ADAM8: variants seen among roughly 807,000 people sequenced by gnomAD.
The protein encoded by ADAM8 is ADAM metallopeptidase domain 8, also known as disintegrin and metalloproteinase domain-containing protein 8.
A neutral mutation model predicts 102.4 loss-of-function variants in ADAM8; 104 were observed. The ratio of observed to expected loss-of-function variants is 1.02; its 90% CI spans 0.87 to 1.20. The LOEUF (loss-of-function observed/expected upper bound fraction) is 1.20. ADAM8 is among the 50% of genes most tolerant of loss of function. The pLI is 0.00. For missense variants in ADAM8, 1,132 were observed against 1,159.0 expected (o/e 0.98, Z 0.34); for synonymous variants, 517 against 485.2 (o/e 1.07, Z -0.86).
chr10:133,270,371 C>T lies in ADAM8; in HGVS notation c.1774G>A (p.Gly592Arg). The T allele has an allele frequency of 6.3e-7, 1 of 1,587,390 alleles. No individual in the cohort carries two copies. The change falls in exon 16 of 23, where the codon GGA (glycine) becomes AGA (arginine). Residue 592 changes from glycine to arginine, a missense_variant. Transcript: ENST00000445355. ...YEPVPEGTRC[G>R]PEKVCWKGRC... ...AGCCAGGGGCTCACCTTCTCTGGTC[C>T]ACACCGGGTGCCCTCGGGCACTGGT...
chr10:133,268,301 A>G (rs928861614), intron 19 of ADAM8, among the ~76,000 whole-genome samples, 183 bp from the exon 20 acceptor site: 12 of 152,180 alleles, frequency 7.9e-5, no homozygotes, highest in African/African-American at 2.7e-4. Context: ...CACCCCCTCC[A>G]TGTCCTGGGG....
chr10:133,268,686 C>T, intron 19 of ADAM8, 62 bp downstream of exon 19: 2 of 1,532,660 alleles, frequency 1.3e-6, no homozygotes, highest in East Asian at 2.4e-5. Flanking sequence ...GGCACTCCTT[C>T]CTCTGGCAGC....
At chr10:133,267,054 G>A (rs1036122364) in intron 21 of ADAM8, among the ~76,000 whole-genome samples, 1 of 152,062 alleles carries the variant, frequency 6.6e-6, no homozygotes, top group African/African-American at 2.4e-5. Context: ...CCTCTTCTCT[G>A]CCAGAGCTTC....
At position 133,272,217 on chromosome 10, in the gene ADAM8, G is replaced by A. The variant is rs1846554350; in HGVS notation, c.933C>T (p.Ser311=). ...VGFARVSAMC[S]HSSGAVNQDH... ...CCTGGTTCACAGCCCCTGAGCTGTGGGAGCACATGGCGGACACCCTGGCAA... is the reference window on the plus strand; with the variant it reads ...CCTGGTTCACAGCCCCTGAGCTGTGAGAGCACATGGCGGACACCCTGGCAA... Residue 311 remains serine, a synonymous_variant, in exon 10 of 23, where the codon TCC becomes TCT. Transcript: ENST00000445355. 1.3e-6 allele frequency: 2 copies of A among 1,549,218 alleles called. No homozygotes were observed. Among genetic ancestry groups the A allele is most frequent in the South Asian group, 1.2e-5 (1 of 84,012 alleles).
chr10:133,272,653 C>A, intron 8 of ADAM8, 68 bp from the exon 9 acceptor site: 1 of 1,550,628 alleles, frequency 6.4e-7, no homozygotes, highest in South Asian at 1.2e-5. Flanking sequence ...GGGTGGGTGG[C>A]GGAGGATGCA....
intron 20 of ADAM8, 68 bp downstream of exon 20, chr10:133,267,861 C>A: frequency 8.1e-7 from 1 of 1,238,944 alleles, no homozygotes; most frequent in South Asian, 3.2e-5. Context: ...TCGGGCTGCA[C>A]TTGGGGTCGC....
chr10:133,276,446 T>A (rs778502971), intron 1 of ADAM8, among the ~76,000 whole-genome samples: 10 of 152,128 alleles, frequency 6.6e-5, no homozygotes, highest in Admixed American at 1.3e-4. Context: ...GCCCCACAGG[T>A]GAATCCCAGG....
At position 133,272,959 on chromosome 10, in the gene ADAM8, CT is replaced by C; in HGVS notation, c.633del (p.Glu212SerfsTer19). On this transcript the variant is annotated frameshift_variant, in exon 7 of 23. Transcript: ENST00000445355. LOFTEE classifies it high-confidence loss of function. ...YVELYVVVDNAEFQMLGSEAA... is the reference protein window; with the variant it reads ...YVELYVVVDNXEFQMLGSEAA... The stretch of plus-strand genomic sequence containing the variant: ...CACCTTCCCTGCCCCCAACACACCT[CT>C]GCATTGTCCACGACCACATACAGCT... 5.6e-6 allele frequency: 9 copies of C among 1,612,960 alleles called. No homozygotes were observed. The highest frequency in any genetic ancestry group is 7.6e-6 in the Non-Finnish European group (9 of 1,179,910).
chr10:133,275,400 C>T, intron 2 of ADAM8, 84 bp downstream of exon 2: 1 of 1,094,524 alleles, frequency 9.1e-7, no homozygotes, highest in Non-Finnish European at 1.3e-6. Flanking sequence ...TGGCCTCTCA[C>T]CACTTTCTGT....
At chr10:133,275,025 CAT>C (rs936629944) in intron 2 of ADAM8, 5 of 309,594 alleles carry the variant, frequency 1.6e-5, no homozygotes, top group African/African-American at 4.5e-5. Flanking sequence ...ATGCCGTGCA[CAT>C]GTGTGCACAC....
intron 1 of ADAM8, among the ~76,000 whole-genome samples, chr10:133,276,149 AT>A (rs1169789516): frequency 6.6e-6 from 1 of 152,166 alleles, no homozygotes; most frequent in East Asian, 1.9e-4. Flanking sequence ...TTAAAACACA[AT>A]AGTGGACGTG....
Position 133,275,686 on chromosome 10 carries a change from C to A in ADAM8, c.47-99G>T, listed in dbSNP as rs901671606. 1.2e-4 allele frequency: 76 copies of A among 649,370 alleles called. No individual in the cohort carries two copies. The South Asian group carries it at 1.7e-3, about 14-fold the overall frequency. The allele number at this position is 649,370 out of a possible 1,614,324, so 40.2% of individuals were successfully genotyped here. On this transcript the variant is annotated intron_variant, in intron 1 of 22. Coordinates refer to ENST00000445355, the MANE Select transcript of ADAM8 (RefSeq NM_001109.5). Reference sequence around the variant, plus strand: ...AGATTCTGTCTCTTGCTGGGCTTGACCCTCCCCTGGGGAACTCACCAGATA... The same window carrying A: ...AGATTCTGTCTCTTGCTGGGCTTGAACCTCCCCTGGGGAACTCACCAGATA...
chr10:133,269,396 C>T, intron 18 of ADAM8, 49 bp downstream of exon 18: 2 of 1,454,794 alleles, frequency 1.4e-6, no homozygotes, highest in Non-Finnish European at 1.8e-6. Context: ...CTGTTCGGGC[C>T]CTCTGAGCTT....
chr10:133,268,976 C>A (rs1039632256), intron 18 of ADAM8, 114 bp from the exon 19 acceptor site: 7 of 1,491,132 alleles, frequency 4.7e-6, no homozygotes, highest in Non-Finnish European at 6.2e-6. Context: ...CCCTGTGGAC[C>A]CCTCAGGGAG....
At position 133,274,990 on chromosome 10, in the gene ADAM8, C is replaced by T. The variant is rs1228789143; in HGVS notation, c.150+494G>A. The stretch of plus-strand genomic sequence containing the variant: ...CAGGGCTGGGGCCGGAACTGCCCTC[C>T]CTGGAAACAGGTGCACACATGCATA... On this transcript the variant is annotated intron_variant, in intron 2 of 22. Coordinates refer to ENST00000445355, the MANE Select transcript of ADAM8 (RefSeq NM_001109.5). 3 of 345,696 alleles carry T rather than the reference C, an allele frequency of 8.7e-6. No homozygotes were observed. The Admixed American group carries it at 1.1e-4, about 12-fold the overall frequency. The allele number at this position is 345,696 out of a possible 1,614,324, so 21.4% of individuals were successfully genotyped here. A position where few individuals can be genotyped will look rare whatever the true frequency, so the allele number is the denominator to read the frequency against.
intron 19 of ADAM8, 33 bp downstream of exon 19, chr10:133,268,715 G>T (rs372217990): frequency 3.8e-6 from 6 of 1,589,136 alleles, no homozygotes; most frequent in Non-Finnish European, 4.3e-6. Flanking sequence ...GGAAGCACTC[G>T]CCACCCTCCG....
In ADAM8 at chr10:133,263,687, C is replaced by T. The variant is rs1846234661; in HGVS notation, c.2397+1G>A. On this transcript the variant is annotated splice_donor_variant, in intron 22 of 22. Coordinates refer to ENST00000445355, the MANE Select transcript of ADAM8 (RefSeq NM_001109.5). LOFTEE classifies it high-confidence loss of function. ...CTGCCTGGTGTGTGCTGGGGCCTCA[C>T]CTCAGCTGGACCAGGGTTGGCCGCA... The T allele has an allele frequency of 1.5e-6, 2 of 1,360,610 alleles. No individual in the cohort carries two copies. The highest frequency in any genetic ancestry group is 3.2e-5 in the East Asian group (1 of 31,026). The allele number at this position is 1,360,610 out of a possible 1,614,324, so 84.3% of individuals were successfully genotyped here.
At position 133,271,252 on chromosome 10, in the gene ADAM8, T is replaced by G. The variant is rs746222640; in HGVS notation, c.1322A>C (p.Gln441Pro). Residue 441 changes from glutamine (Q) to proline (P), a missense_variant, in exon 13 of 23, where the codon CAG becomes CCG. Gln to Pro is a moderately conservative substitution (Grantham distance 76). Transcript: ENST00000445355. ...CGCACACTGGGCCCCCTCAGCCAGC[T>G]GGCAGGTGGTAGAGTTGCAGCAGCG... ...RNRCCNSTTC[Q>P]LAEGAQCAHG... 6.2e-7 allele frequency: 1 copy of G among 1,611,388 alleles called. No individual in the cohort carries two copies. Among genetic ancestry groups the G allele is most frequent in the African/African-American group, 1.3e-5 (1 of 74,904 alleles).
At position 133,272,981 on chromosome 10, in the gene ADAM8, C is replaced by G; in HGVS notation, c.612G>C (p.Leu204=). ...LPSRETRYVE[L]YVVVDNAEFQ... ...CCTCTGCATTGTCCACGACCACATA[C>G]AGCTCCACGTAGCGGGTCTCTCGGG... Residue 204 remains leucine (L), a synonymous_variant, in exon 7 of 23, where the codon CTG becomes CTC. Transcript: ENST00000445355. 6.2e-7 allele frequency: 1 copy of G among 1,612,940 alleles called. No individual in the cohort carries two copies.
Sources: gnomAD v4.1 joint callset for allele counts (sites outside exome capture counted in the v4.1 genomes callset) on GRCh38, gnomAD v4.1.1 for gene constraint, MANE v1.5 for transcripts, NCBI Gene and HGNC (gene_info 2026-07-23, HGNC 2026-07-21) for gene names.